REDIC1: variants seen among roughly 807,000 people sequenced by gnomAD.
REDIC1 encodes the protein regulator of DNA class I crossover intermediates 1, also known as HEI10 Interacting Protein 1.
At chr12:39,712,959 ATATACGTGTATATGTATATATACATGTGT>A in the REDIC1 span, among the ~76,000 whole-genome samples, 1 of 21,452 alleles carries the variant, frequency 4.7e-5, no homozygotes, top group Non-Finnish European at 1.1e-4. Context: ...ACATATATGC[ATATACGTGTATATGTATATATACATGTGT>A]ATATACGTGT....
chr12:39,901,503 C>G, the REDIC1 span, among the ~76,000 whole-genome samples: 25 of 134,036 alleles, frequency 1.9e-4, no homozygotes, highest in African/African-American at 8.4e-5. Context: ...AAGAAAAAAA[C>G]AAACAACCCC....
chr12:39,714,393 A>G, the REDIC1 span, among the ~76,000 whole-genome samples: 12 of 53,832 alleles, frequency 2.2e-4, 1 homozygote, highest in African/African-American at 5.3e-4. Flanking sequence ...GTATATGTAT[A>G]TATGTATATA....
chr12:39,714,206 CATGCATATACGTATATGCATGCATATAT>C, the REDIC1 span, among the ~76,000 whole-genome samples: 1 of 13,186 alleles, frequency 7.6e-5, no homozygotes, highest in African/African-American at 1.3e-4. Context: ...TATGTATATA[CATGCATATACGTATATGCATGCATATAT>C]GTATATATGT....
chr12:39,832,808 C>T, the REDIC1 span, among the ~76,000 whole-genome samples: 2,411 of 152,106 alleles, frequency 0.016, 62 homozygotes, highest in African/African-American at 0.055. Flanking sequence ...TTCCATTATA[C>T]CCATCTGGTA....
At chr12:39,727,185 T>C in the REDIC1 span, among the ~76,000 whole-genome samples, 1 of 152,234 alleles carries the variant, frequency 6.6e-6, no homozygotes, top group Non-Finnish European at 1.5e-5. Context: ...TTGGCTTTTG[T>C]TGTCACTGCT....
chr12:39,661,417 T>A, the REDIC1 span, among the ~76,000 whole-genome samples: 1 of 151,254 alleles, frequency 6.6e-6, no homozygotes, highest in African/African-American at 2.4e-5. Context: ...ACGTTGAGCA[T>A]TTTTTTTTAA....
the REDIC1 span, among the ~76,000 whole-genome samples, chr12:39,627,271 C>G: frequency 8.5e-5 from 13 of 152,142 alleles, no homozygotes; most frequent in African/African-American, 3.1e-4. Flanking sequence ...TAGAAATTTA[C>G]CTGAATTACT....
chr12:39,824,033 C>T, the REDIC1 span, among the ~76,000 whole-genome samples: 160 of 151,880 alleles, frequency 1.1e-3, 1 homozygote, highest in African/African-American at 3.5e-3. Context: ...AATTTTAAAC[C>T]CTTATATATT....
At chr12:39,684,783 G>A in the REDIC1 span, 2 of 978,460 alleles carry the variant, frequency 2.0e-6, no homozygotes, top group Non-Finnish European at 3.1e-6. Flanking sequence ...CTGATCTGAA[G>A]CCAAGTTTGG....
At chr12:39,683,218 A>T in the REDIC1 span, 7 of 1,377,732 alleles carry the variant, frequency 5.1e-6, no homozygotes, top group Non-Finnish European at 6.9e-6. Context: ...GTATATTCAT[A>T]CACACACATC....
the REDIC1 span, among the ~76,000 whole-genome samples, chr12:39,728,041 AGGAGATTTT>A: frequency 1.3e-5 from 2 of 152,188 alleles, no homozygotes; most frequent in African/African-American, 2.4e-5. Context: ...TATCAGCTTA[AGGAGATTTT>A]GGGCTGAGAC....
the REDIC1 span, chr12:39,754,440 G>A: frequency 6.6e-5 from 10 of 152,102 alleles, no homozygotes; most frequent in African/African-American, 2.4e-5. Context: ...TAACTCAACT[G>A]TAAGCCTTTG....
At chr12:39,845,294 C>T in the REDIC1 span, among the ~76,000 whole-genome samples, 2 of 151,986 alleles carry the variant, frequency 1.3e-5, no homozygotes, top group Admixed American at 1.3e-4. Context: ...TATTTTGCTT[C>T]AGTAATTAAT....
chr12:39,668,134 G>A, the REDIC1 span, among the ~76,000 whole-genome samples: 1 of 151,672 alleles, frequency 6.6e-6, no homozygotes, highest in Admixed American at 6.6e-5. Flanking sequence ...TATTTTGCTT[G>A]TTAGTTGATG....
chr12:39,805,923 G>C, the REDIC1 span, among the ~76,000 whole-genome samples: 1 of 152,112 alleles, frequency 6.6e-6, no homozygotes, highest in Non-Finnish European at 1.5e-5. Flanking sequence ...ACAGGTAATT[G>C]AATCTAACAG....
At chr12:39,710,200 A>T in the REDIC1 span, among the ~76,000 whole-genome samples, 1 of 151,818 alleles carries the variant, frequency 6.6e-6, no homozygotes, top group African/African-American at 2.4e-5. Context: ...ATACTTTTTA[A>T]GTATAAGGTT....
chr12:39,812,404 T>TCCTTCCTTCCTTCCTTCCTG, the REDIC1 span, among the ~76,000 whole-genome samples: 1 of 146,484 alleles, frequency 6.8e-6, no homozygotes. Flanking sequence ...CTCTCTTTCT[T>TCCTTCCTTCCTTCCTTCCTG]CCTTCCTTCC....
chr12:39,712,408 A>G, the REDIC1 span, among the ~76,000 whole-genome samples: 1 of 134,568 alleles, frequency 7.4e-6, no homozygotes, highest in Non-Finnish European at 1.6e-5. Context: ...GTATATATAC[A>G]TACGTATATA....
chr12:39,719,058 C>T, the REDIC1 span, among the ~76,000 whole-genome samples: 2 of 152,092 alleles, frequency 1.3e-5, no homozygotes. Context: ...TTTTCCTTCA[C>T]AAGTTTCCTT....
Sources: gnomAD v4.1 joint callset for allele counts (sites outside exome capture counted in the v4.1 genomes callset) on GRCh38, gnomAD v4.1.1 for gene constraint, MANE v1.5 for transcripts, NCBI Gene and HGNC (gene_info 2026-07-23, HGNC 2026-07-21) for gene names.